Variants in SLC39A11 observed in about 807,000 individuals in gnomAD.
The protein encoded by SLC39A11 is solute carrier family 39 member 11.
Under a neutral mutation model 36.1 loss-of-function variants are expected in SLC39A11, and 33 were observed. The ratio of observed to expected loss-of-function variants is 0.91; its 90% CI spans 0.69 to 1.22. The LOEUF (loss-of-function observed/expected upper bound fraction) is 1.22. SLC39A11 is among the 50% of genes most tolerant of loss of function. SLC39A11 has a pLI of 0.00. For missense variants in SLC39A11, 432 were observed against 430.3 expected (o/e 1.00, Z -0.03); for synonymous variants, 166 against 170.3 (o/e 0.97, Z 0.20).
chr17:72,910,207 C>T (rs1052866409), intron 5 of SLC39A11, among the ~76,000 whole-genome samples: 10 of 152,164 alleles, frequency 6.6e-5, no homozygotes, highest in Admixed American at 5.2e-4. Flanking sequence ...TTGGGTACTA[C>T]GCTCCCTATC....
At chr17:72,718,183 C>T (rs1360096257) in intron 7 of SLC39A11, among the ~76,000 whole-genome samples, 3 of 152,162 alleles carry the variant, frequency 2.0e-5, no homozygotes, top group Admixed American at 2.0e-4. Context: ...GGCAGCAGCT[C>T]ATGCCTGTAA....
chr17:73,017,320 T>C (rs977806337), intron 4 of SLC39A11, among the ~76,000 whole-genome samples: 2 of 152,134 alleles, frequency 1.3e-5, no homozygotes, highest in Non-Finnish European at 2.9e-5. Context: ...ACGGAAAACA[T>C]GCAAAGGGTG....
chr17:72,867,923 A>G (rs1385842083), intron 5 of SLC39A11, among the ~76,000 whole-genome samples: 4 of 152,186 alleles, frequency 2.6e-5, no homozygotes, highest in Non-Finnish European at 2.9e-5. Flanking sequence ...AACCCAACTC[A>G]CTGTAAATGG....
chr17:72,942,745 T>C (rs961415468), intron 5 of SLC39A11, among the ~76,000 whole-genome samples: 1 of 152,210 alleles, frequency 6.6e-6, no homozygotes, highest in Admixed American at 6.5e-5. Context: ...GGGAGTGGAA[T>C]GTACGTGGCT....
At chr17:72,786,924 ATTC>A (rs2076535773) in intron 6 of SLC39A11, among the ~76,000 whole-genome samples, 1 of 151,940 alleles carries the variant, frequency 6.6e-6, no homozygotes, top group Admixed American at 6.6e-5. Context: ...GGTTCAAGTG[ATTC>A]TCCTGCCTCA....
At chr17:73,055,786 G>C (rs972423411) in intron 3 of SLC39A11, among the ~76,000 whole-genome samples, 1 of 152,006 alleles carries the variant, frequency 6.6e-6, no homozygotes. Context: ...GCAGCTGAGC[G>C]TCAGTCAATC....
Position 72,703,087 on chromosome 17 carries a change from G to A in SLC39A11, c.671+33563C>T, listed in dbSNP as rs1411778213. 3.9e-5 allele frequency among the ~76,000 whole-genome samples: 6 copies of A among 152,028 alleles called. No homozygotes were observed. In the East Asian group the frequency reaches 5.8e-4, roughly 15 times the overall value. On this transcript the variant is annotated intron_variant, in intron 7 of 9. Transcript: ENST00000255559. ...CCCATCACCAGACACCAGAGCTGTC[G>A]GTTGGCAGGTCTTCATCTGTCTGCC...
At chr17:72,803,322 A>T (rs551926389) in intron 6 of SLC39A11, among the ~76,000 whole-genome samples, 30 of 152,356 alleles carry the variant, frequency 2.0e-4, no homozygotes, top group Non-Finnish European at 1.5e-5. Context: ...GGGGCTTGGT[A>T]AATGACCCCA....
intron 7 of SLC39A11, among the ~76,000 whole-genome samples, chr17:72,686,432 G>A (rs953147821): frequency 2.7e-4 from 41 of 152,124 alleles, no homozygotes; most frequent in African/African-American, 8.9e-4. Context: ...CTGCTGTCCC[G>A]CTCCACCCGT....
intron 3 of SLC39A11, among the ~76,000 whole-genome samples, chr17:73,055,790 G>GTCAA (rs2059646191): frequency 6.6e-6 from 1 of 152,078 alleles, no homozygotes; most frequent in Admixed American, 6.6e-5. Context: ...CTGAGCGTCA[G>GTCAA]TCAATCATAG....
chr17:73,026,921 T>C (rs1568148072), intron 4 of SLC39A11, among the ~76,000 whole-genome samples: 1 of 151,870 alleles, frequency 6.6e-6, no homozygotes, highest in Non-Finnish European at 1.5e-5. Flanking sequence ...AGTTCAAGAC[T>C]AGCCCGGGCA....
chr17:72,672,491 ACT>A (rs559641585), intron 7 of SLC39A11, among the ~76,000 whole-genome samples: 241 of 152,310 alleles, frequency 1.6e-3, no homozygotes, highest in Non-Finnish European at 2.4e-3. Flanking sequence ...TTCATGGATA[ACT>A]CTCATTCTCG....
At chr17:73,067,948 T>C in intron 3 of SLC39A11, 2 of 1,600,632 alleles carry the variant, frequency 1.2e-6, no homozygotes, top group East Asian at 2.2e-5. Context: ...TTCCAACTTC[T>C]TGGTCTGGGG....
At chr17:73,062,586 G>C (rs771395264) in intron 3 of SLC39A11, among the ~76,000 whole-genome samples, 36 of 149,950 alleles carry the variant, frequency 2.4e-4, no homozygotes, top group Non-Finnish European at 3.5e-4. Flanking sequence ...GCAACAGTTT[G>C]CATGTTTCCT....
chr17:72,836,276 C>G (rs2078539566), intron 6 of SLC39A11, among the ~76,000 whole-genome samples: 2 of 152,032 alleles, frequency 1.3e-5, no homozygotes, highest in Non-Finnish European at 2.9e-5. Flanking sequence ...CAGAGCTCAC[C>G]AGTGAGACAC....
At chr17:72,958,908 C>T (rs184097635) in intron 4 of SLC39A11, among the ~76,000 whole-genome samples, 5 of 147,624 alleles carry the variant, frequency 3.4e-5, no homozygotes, top group South Asian at 2.2e-4. Context: ...AAGAAACATA[C>T]GAAAAAATGC....
chr17:72,812,597 C>T (rs948658380), intron 6 of SLC39A11, among the ~76,000 whole-genome samples: 8 of 152,138 alleles, frequency 5.3e-5, no homozygotes, highest in Non-Finnish European at 1.2e-4. Flanking sequence ...TGCTTCTGGT[C>T]CCACCTCTGC....
At chr17:72,856,986 A>G in intron 5 of SLC39A11, among the ~76,000 whole-genome samples, 1 of 152,150 alleles carries the variant, frequency 6.6e-6, no homozygotes, top group Non-Finnish European at 1.5e-5. Context: ...CTTTTTTAAA[A>G]AACTTTCACT....
At chr17:73,092,322 T>C in intron 1 of SLC39A11, 1 of 152,224 alleles carries the variant, frequency 6.6e-6, no homozygotes, top group East Asian at 1.9e-4. Flanking sequence ...CGAAGAGGAT[T>C]TGGGTTAGGA....
Sources: gnomAD v4.1 joint callset for allele counts (sites outside exome capture counted in the v4.1 genomes callset) on GRCh38, gnomAD v4.1.1 for gene constraint, MANE v1.5 for transcripts, NCBI Gene and HGNC (gene_info 2026-07-23, HGNC 2026-07-21) for gene names.